The following CMYA5 variants were observed in gnomAD, a reference collection of about 807,000 sequenced individuals.
The protein encoded by CMYA5 is cardiomyopathy associated 5, also known as cardiomyopathy-associated protein 5.
In CMYA5, 246 loss-of-function variants were observed where a neutral mutation model predicts 318.9. The ratio of observed to expected loss-of-function variants is 0.77; its 90% CI spans 0.70 to 0.86. CMYA5 has a LOEUF of 0.86. Ranked by LOEUF, CMYA5 falls within the 40% of genes least tolerant of loss-of-function variation. The pLI, the probability that CMYA5 is intolerant of heterozygous loss-of-function variation, is 0.00. For synonymous variants in CMYA5, 1,641 were observed against 1,729.5 expected, an observed-to-expected ratio of 0.95 and a Z score of 1.27; for missense variants, 4,589 against 4,678.2, an observed-to-expected ratio of 0.98 and a Z score of 0.56.
chr5:79,754,013 A>G (rs1209443850), intron 6 of CMYA5, among the ~76,000 whole-genome samples: 1 of 152,212 alleles, frequency 6.6e-6, no homozygotes, highest in Admixed American at 6.5e-5. Flanking sequence ...GAGGACGTTT[A>G]ATATATTTTA....
chr5:79,760,190 T>C (rs1828621913), intron 7 of CMYA5, among the ~76,000 whole-genome samples: 1 of 50,414 alleles, frequency 2.0e-5, no homozygotes, highest in Non-Finnish European at 3.4e-5. Context: ...TTGGCCTGCT[T>C]TTTTTTTTTT....
rs1827832306 is a variant in CMYA5, at chr5:79,729,707, A to G, written c.942A>G (p.Leu314=). The part of the protein sequence containing the change: ...RGALSKGSES[L]TLMFSHEDQK... ...CACTCTCCAAAGGATCAGAGTCCCT[A>G]ACCTTAATGTTCAGTCATGAAGATC... Residue 314 remains leucine, a synonymous_variant, in exon 2 of 13, where the codon CTA becomes CTG. Coordinates refer to ENST00000446378, the MANE Select transcript of CMYA5 (RefSeq NM_153610.5). 6.2e-7 allele frequency: 1 copy of G among 1,613,952 alleles called. No individual in the cohort carries two copies. Among genetic ancestry groups the G allele is most frequent in the African/African-American group, 1.3e-5 (1 of 75,060 alleles).
intron 6 of CMYA5, among the ~76,000 whole-genome samples, chr5:79,754,457 G>A (rs1343384212): frequency 6.6e-6 from 1 of 152,114 alleles, no homozygotes; most frequent in East Asian, 1.9e-4. Flanking sequence ...GTGAGGAAAG[G>A]TGAGGAAAGA....
intron 6 of CMYA5, among the ~76,000 whole-genome samples, chr5:79,754,746 T>G (rs1421980438): frequency 2.0e-5 from 3 of 152,170 alleles, no homozygotes; most frequent in Non-Finnish European, 4.4e-5. Context: ...ATTCACATTG[T>G]GGTACAACCA....
intron 1 of CMYA5, among the ~76,000 whole-genome samples, chr5:79,719,463 A>C (rs1346021378): frequency 6.6e-6 from 1 of 152,186 alleles, no homozygotes; most frequent in Non-Finnish European, 1.5e-5. Context: ...GAAATATCAG[A>C]TGTTATATTT....
At chr5:79,690,738 A>C (rs1826956320) in intron 1 of CMYA5, among the ~76,000 whole-genome samples, 1 of 152,180 alleles carries the variant, frequency 6.6e-6, no homozygotes, top group African/African-American at 2.4e-5. Context: ...TATTTGGATT[A>C]GCTTCTACCT....
intron 2 of CMYA5, among the ~76,000 whole-genome samples, chr5:79,742,425 G>A (rs1193161037): frequency 3.9e-5 from 6 of 152,046 alleles, no homozygotes; most frequent in Admixed American, 1.3e-4. Flanking sequence ...GGCTACCAGC[G>A]ATCTTCCCAC....
chr5:79,763,789 G>T (rs1256658915), intron 9 of CMYA5, among the ~76,000 whole-genome samples: 4 of 152,138 alleles, frequency 2.6e-5, no homozygotes, highest in African/African-American at 9.7e-5. Flanking sequence ...TAGGCATTTG[G>T]TAAATGTTAA....
intron 9 of CMYA5, among the ~76,000 whole-genome samples, chr5:79,775,040 G>C (rs1412799314): frequency 1.3e-5 from 2 of 152,188 alleles, no homozygotes; most frequent in Non-Finnish European, 2.9e-5. Context: ...GGTGACAGGA[G>C]GGTCACTGAC....
chr5:79,736,010 A>C lies in CMYA5; in HGVS notation c.7245A>C (p.Glu2415Asp), dbSNP rs1193370095. The change falls in exon 2 of 13, where the codon GAA (glutamate) becomes GAC (aspartate). Residue 2415 changes from glutamate (E) to aspartate (D), a missense_variant. By Grantham distance (45) the Glu-to-Asp change is conservative (BLOSUM62 2). Coordinates refer to ENST00000446378, the MANE Select transcript of CMYA5 (RefSeq NM_153610.5). ...CAGAGTCAATTATTTTGCCAGTAGA[A>C]GAATCAAAAGGCAGTTTAATTGATT... ...EKPESIILPV[E>D]ESKGSLIDFS... 6.2e-7 allele frequency: 1 copy of C among 1,613,052 alleles called. No individual in the cohort carries two copies. The highest frequency in any genetic ancestry group is 8.5e-7 in the Non-Finnish European group (1 of 1,179,672).
At chr5:79,712,025 G>C (rs1034056005) in intron 1 of CMYA5, among the ~76,000 whole-genome samples, 3 of 152,100 alleles carry the variant, frequency 2.0e-5, no homozygotes, top group African/African-American at 7.2e-5. Flanking sequence ...GGCCTCCAGA[G>C]GACTCTCTCT....
In CMYA5 at chr5:79,790,928, C is replaced by G. The variant is rs756232984; in HGVS notation, c.11690-42C>G. On this transcript the variant is annotated intron_variant, in intron 10 of 12. Coordinates refer to ENST00000446378, the MANE Select transcript of CMYA5 (RefSeq NM_153610.5). ...GGCTTAGCCTAGGGACAGCACTGGT[C>G]CTTGTGGCAATGTTTTAATACTATT... is the stretch of plus-strand genomic sequence containing the variant. 14 of 1,369,174 alleles carry G rather than the reference C, an allele frequency of 1.0e-5. No individual in the cohort carries two copies. The African/African-American group carries it at 1.8e-4, about 18-fold the overall frequency. 84.8% of individuals were successfully genotyped at this position (1,369,174 alleles called of 1,614,324 possible).
chr5:79,770,558 T>G (rs902016981), intron 9 of CMYA5, among the ~76,000 whole-genome samples: 4 of 152,154 alleles, frequency 2.6e-5, no homozygotes, highest in African/African-American at 7.2e-5. Context: ...CTCGACCCCT[T>G]GTGCTTCCCG....
rs542459282 is a variant in CMYA5, at chr5:79,705,932, A to G, written c.149+15876A>G. On this transcript the variant is annotated intron_variant, in intron 1 of 12. Transcript: ENST00000446378. Reference sequence around the variant, plus strand: ...CAAGGACATCATATGTTCCTGGCACAGAGTGGGACATGGACGAGTGTCAGT... The same window carrying G: ...CAAGGACATCATATGTTCCTGGCACGGAGTGGGACATGGACGAGTGTCAGT... Among the ~76,000 whole-genome samples the G allele has an allele frequency of 1.2e-4, 18 of 152,348 alleles. No individual in the cohort carries two copies. The South Asian group carries it at 2.3e-3, about 19-fold the overall frequency.
At chr5:79,745,477 C>T (rs1696585954) in intron 4 of CMYA5, 22 bp downstream of exon 4, 1 of 1,533,992 alleles carries the variant, frequency 6.5e-7, no homozygotes, top group African/African-American at 1.4e-5. Flanking sequence ...GTAAAATGGG[C>T]TCAAACACCT....
chr5:79,787,370 T>C (rs1829100259), intron 9 of CMYA5, among the ~76,000 whole-genome samples: 1 of 152,236 alleles, frequency 6.6e-6, no homozygotes, highest in Admixed American at 6.5e-5. Flanking sequence ...ATTTTGTTAC[T>C]AATTATAATT....
At chr5:79,777,815 T>C (rs999970308) in intron 9 of CMYA5, among the ~76,000 whole-genome samples, 1 of 151,990 alleles carries the variant, frequency 6.6e-6, no homozygotes, top group Non-Finnish European at 1.5e-5. Context: ...TAAGTTTTAT[T>C]TTATTGTTTT....
Position 79,736,109 on chromosome 5 carries a change from C to A in CMYA5, c.7344C>A (p.Leu2448=). ...AAATTTCTGAAGAGGAAACAAAACT[C>A]AGGTCTGTTAGTCCAACTGAGAAGA... ...SLKISEEETK[L]RSVSPTEKKD... is the part of the protein sequence containing the mutation. Residue 2448 remains leucine, a synonymous_variant, in exon 2 of 13, where the codon CTC becomes CTA. Coordinates refer to ENST00000446378, the MANE Select transcript of CMYA5 (RefSeq NM_153610.5). 1 of 1,613,274 alleles carries A rather than the reference C, an allele frequency of 6.2e-7. No homozygotes were observed. Among genetic ancestry groups the A allele is most frequent in the South Asian group, 1.1e-5 (1 of 90,884 alleles).
chr5:79,777,062 T>C (rs747061335), intron 9 of CMYA5, among the ~76,000 whole-genome samples: 7 of 152,220 alleles, frequency 4.6e-5, no homozygotes, highest in Admixed American at 2.0e-4. Flanking sequence ...ATCAAATTCC[T>C]GGAGAAGCTA....
Sources: gnomAD v4.1 joint callset for allele counts (sites outside exome capture counted in the v4.1 genomes callset) on GRCh38, gnomAD v4.1.1 for gene constraint, MANE v1.5 for transcripts, NCBI Gene and HGNC (gene_info 2026-07-23, HGNC 2026-07-21) for gene names.